EMG1: variants seen among roughly 807,000 people sequenced by gnomAD.
EMG1 encodes ribosomal RNA small subunit methyltransferase NEP1.
In EMG1, 24 loss-of-function variants were observed where a neutral mutation model predicts 26.9. The observed-to-expected ratio is 0.89, with a 90% CI of 0.65 to 1.26. The LOEUF is 1.26. EMG1 is among the 50% of genes most tolerant of loss of function. EMG1 has a pLI of 0.00. For missense variants in EMG1, 299 were observed against 307.6 expected, an observed-to-expected ratio of 0.97 and a Z score of 0.21; for synonymous variants, 140 against 112.6, an observed-to-expected ratio of 1.24 and a Z score of -1.54.
chr12:6,979,795 A>G lies in EMG1; in HGVS notation c.*3986A>G, dbSNP rs1172132517. On this transcript the variant is annotated 3_prime_UTR_variant, in exon 6 of 6. Coordinates refer to ENST00000599672, the MANE Select transcript of EMG1 (RefSeq NM_006331.8). ...CTGCAAACCTCTTAAGAGTTGTAGG[A>G]AAGTCAGGGCAGCAGACAGTGGACC... 1.0e-5 allele frequency: 6 copies of G among 576,718 alleles called. No homozygotes were observed. Among genetic ancestry groups the G allele is most frequent in the Non-Finnish European group, 1.9e-5 (6 of 322,418 alleles). The allele number at this position is 576,718 out of a possible 1,614,324, so 35.7% of individuals were successfully genotyped here.
chr12:6,983,652 C>A (rs1253775251), downstream of EMG1: 4 of 679,226 alleles, frequency 5.9e-6, no homozygotes, highest in African/African-American at 3.7e-5. Flanking sequence ...AAAAAAAAAA[C>A]AACATACATT....
downstream of EMG1, chr12:6,981,675 C>T (rs904907895): frequency 2.5e-6 from 4 of 1,590,610 alleles, no homozygotes; most frequent in African/African-American, 5.5e-5. Context: ...TGGGAGAGGA[C>T]ACTGAGGATG....
At position 6,977,801 on chromosome 12, in the gene EMG1, C is replaced by CA; in HGVS notation, c.*1993dup. ...AAACTGACTGGTCCTTGCATCCCGC[C>CA]ACCTGCCTCTGGGTCCTCACCCTGA... is the stretch of plus-strand genomic sequence containing the variant. On this transcript the variant is annotated 3_prime_UTR_variant, in exon 6 of 6. Coordinates refer to ENST00000599672, the MANE Select transcript of EMG1 (RefSeq NM_006331.8). The surrounding 1 kb of genome is among the most constrained non-coding windows in gnomAD (Gnocchi z 4.5). The CA allele has an allele frequency of 6.2e-7, 1 of 1,603,826 alleles. No homozygotes were observed. Among genetic ancestry groups the CA allele is most frequent in the Non-Finnish European group, 8.5e-7 (1 of 1,173,254 alleles).
rs1946423697 is a variant in EMG1, at chr12:6,977,694, A to C, written c.*1885A>C. 1 of 1,614,052 alleles carries C rather than the reference A, an allele frequency of 6.2e-7. No homozygotes were observed. Among genetic ancestry groups the C allele is most frequent in the Admixed American group, 1.7e-5 (1 of 59,986 alleles). Reference sequence around the variant, plus strand: ...AGAGGGCCAGGAATAGCAACGAGAGACCCTGAGAGAGTTCTTTATTTCCAA... The same window carrying C: ...AGAGGGCCAGGAATAGCAACGAGAGCCCCTGAGAGAGTTCTTTATTTCCAA... On this transcript the variant is annotated 3_prime_UTR_variant, in exon 6 of 6. Coordinates refer to ENST00000599672, the MANE Select transcript of EMG1 (RefSeq NM_006331.8). The surrounding 1 kb of genome is among the most constrained non-coding windows in gnomAD (Gnocchi z 4.5).
chr12:6,984,108 T>TAA (rs1946499409), downstream of EMG1, among the ~76,000 whole-genome samples: 1 of 152,258 alleles, frequency 6.6e-6, no homozygotes, highest in Admixed American at 6.5e-5. Flanking sequence ...AATATCAGGC[T>TAA]AAATACTGGA....
intron 7 of EMG1, among the ~76,000 whole-genome samples, chr12:6,995,121 CT>C (rs34836555): frequency 0.8 from 116,204 of 145,026 alleles, 46,440 homozygotes; most frequent in East Asian, 0.98. Context: ...CTTCTCTGGG[CT>C]TTTTTTTTTT....
In EMG1 at chr12:6,978,480, C is replaced by T; in HGVS notation, c.*2671C>T. On this transcript the variant is annotated 3_prime_UTR_variant, in exon 6 of 6. Transcript: ENST00000599672. ...CCCTTTTCTTCAAAGCCATTGAAGC[C>T]CAGGCCCGTCAAAATGCATACTCCT... 1 of 1,613,798 alleles carries T rather than the reference C, an allele frequency of 6.2e-7. No homozygotes were observed. Among genetic ancestry groups the T allele is most frequent in the Non-Finnish European group, 8.5e-7 (1 of 1,179,758 alleles).
In EMG1 at chr12:6,975,315, G is replaced by T. The variant is rs1555152971; in HGVS notation, c.558G>T (p.Val186=). Residue 186 remains valine, a synonymous_variant, in exon 5 of 6, where the codon GTG becomes GTT. Coordinates refer to ENST00000599672, the MANE Select transcript of EMG1 (RefSeq NM_006331.8). Reference sequence around the variant, plus strand: ...TTTCCATCCCGGTTGTCAGTGATGTGCGTGAGCTGGTGCCCAGCAGTGATC... The same window carrying T: ...TTTCCATCCCGGTTGTCAGTGATGTTCGTGAGCTGGTGCCCAGCAGTGATC... ...TSFSIPVVSD[V]RELVPSSDPI... is the part of the protein sequence containing the mutation. 2 of 1,610,432 alleles carry T rather than the reference G, an allele frequency of 1.2e-6. No homozygotes were observed. The highest frequency in any genetic ancestry group is 1.7e-4 in the Middle Eastern group (1 of 6,058).
chr12:6,981,726 G>T, downstream of EMG1: 1 of 1,411,344 alleles, frequency 7.1e-7, no homozygotes, highest in South Asian at 1.1e-5. Flanking sequence ...TATGGCGGGG[G>T]GCGGAGGGGG....
chr12:6,993,541 A>G (rs781949387), intron 7 of EMG1, among the ~76,000 whole-genome samples: 8 of 152,004 alleles, frequency 5.3e-5, no homozygotes, highest in Non-Finnish European at 1.2e-4. Context: ...GTCATTTCCC[A>G]TTCTCTCTTA....
chr12:6,977,476 A>G lies in EMG1; in HGVS notation c.*1667A>G, dbSNP rs782434418. On this transcript the variant is annotated 3_prime_UTR_variant, in exon 6 of 6. Transcript: ENST00000599672. This position sits in a 1 kb window ranked among gnomAD's most constrained non-coding sequence, Gnocchi z 4.5. Reference sequence around the variant, plus strand: ...ATAGTAGAAGGGCTGGAGGACAGTAATGGCGGCCAGCTTGCTCAGGGTGGG... The same window carrying G: ...ATAGTAGAAGGGCTGGAGGACAGTAGTGGCGGCCAGCTTGCTCAGGGTGGG... The G allele has an allele frequency of 1.9e-6, 3 of 1,614,084 alleles. No individual in the cohort carries two copies. Among genetic ancestry groups the G allele is most frequent in the South Asian group, 2.2e-5 (2 of 91,086 alleles).
downstream of EMG1, among the ~76,000 whole-genome samples, chr12:6,984,829 C>T (rs782625585): frequency 2.1e-4 from 32 of 152,278 alleles, no homozygotes; most frequent in African/African-American, 7.0e-4. Flanking sequence ...AAGGAATCTT[C>T]CTGCCTTGGC....
At chr12:6,993,851 A>G (rs1307857226) in intron 7 of EMG1, among the ~76,000 whole-genome samples, 1 of 152,164 alleles carries the variant, frequency 6.6e-6, no homozygotes, top group Non-Finnish European at 1.5e-5. Context: ...AGCTCAAATG[A>G]TCTGTCCACC....
At chr12:6,982,760 C>G (rs1946483875), downstream of EMG1, 37 of 1,613,676 alleles carry the variant, frequency 2.3e-5, no homozygotes, top group Non-Finnish European at 3.1e-5. Flanking sequence ...CAATACACAG[C>G]AGGGAGTGGT....
chr12:6,981,743 G>A (rs1026173947), downstream of EMG1: 9 of 1,454,068 alleles, frequency 6.2e-6, no homozygotes, highest in South Asian at 3.4e-5. Flanking sequence ...GGGGGGTGCC[G>A]AGGAAGTTTT....
Position 6,971,003 on chromosome 12 carries a change from C to A in EMG1, c.80C>A (p.Pro27His), listed in dbSNP as rs782075048. 2.5e-6 allele frequency: 4 copies of A among 1,611,694 alleles called. No homozygotes were observed. In the Admixed American group the frequency reaches 5.0e-5, roughly 20 times the overall value. ...EQAQDWDALP[P>H]KRPRLGAGNK... is the part of the protein sequence containing the mutation. ...GCACAGGACTGGGATGCTCTGCCAC[C>A]CAAGCGGCCCCGACTAGGGGCAGGA... is the stretch of plus-strand genomic sequence containing the variant. Residue 27 changes from proline (P) to histidine (H), a missense_variant, in exon 1 of 6, where the codon CCC becomes CAC. Coordinates refer to ENST00000599672, the MANE Select transcript of EMG1 (RefSeq NM_006331.8).
At position 6,977,047 on chromosome 12, in the gene EMG1, CCA is replaced by C; in HGVS notation, c.*1239_*1240del. The C allele has an allele frequency of 3.5e-6, 3 of 849,520 alleles. No homozygotes were observed. The highest frequency in any genetic ancestry group is 2.4e-5 in the East Asian group (1 of 41,046). The allele number at this position is 849,520 out of a possible 1,614,324, so 52.6% of individuals were successfully genotyped here. A position where few individuals can be genotyped will look rare whatever the true frequency, so the allele number is the denominator to read the frequency against. On this transcript the variant is annotated 3_prime_UTR_variant, in exon 6 of 6. Transcript: ENST00000599672. The surrounding 1 kb of genome is among the most constrained non-coding windows in gnomAD (Gnocchi z 4.5). ...GCCAGGCTAATCCTTGGAATTCACC[CCA>C]GATTTCTAATACTATTGTTTTTTTC... is the stretch of plus-strand genomic sequence containing the variant.
intron 7 of EMG1, among the ~76,000 whole-genome samples, chr12:6,993,476 A>G (rs1555155746): frequency 1.3e-5 from 2 of 151,954 alleles, no homozygotes; most frequent in Non-Finnish European, 2.9e-5. Flanking sequence ...CCCACTATCT[A>G]TCTAATTTCA....
rs1946542732 is a variant in EMG1, at chr12:6,987,733, CACATATT to C, written c.*155-46_*155-40del. 2 of 400,470 alleles carry C rather than the reference CACATATT, an allele frequency of 5.0e-6. No homozygotes were observed. The highest frequency in any genetic ancestry group is 8.8e-6 in the Non-Finnish European group (2 of 226,164). The allele number at this position is 400,470 out of a possible 1,614,324, so 24.8% of individuals were successfully genotyped here. A position where few individuals can be genotyped will look rare whatever the true frequency, so the allele number is the denominator to read the frequency against. On this transcript the variant is annotated intron_variant and NMD_transcript_variant, in intron 6 of 7. Coordinates refer to the EMG1 transcript ENST00000261406. The surrounding 1 kb of genome is among the most constrained non-coding windows in gnomAD (Gnocchi z 4.1). ...GAATGCTCGAAATTAAAAAACACCA[CACATATT>C]ACTCTGCCTCTTTAAGTTGAATCTA...
Sources: gnomAD v4.1 joint callset for allele counts (sites outside exome capture counted in the v4.1 genomes callset) on GRCh38, gnomAD v4.1.1 for gene constraint, Gnocchi (gnomAD v3.1) non-coding constraint, MANE v1.5 for transcripts, NCBI Gene and HGNC (gene_info 2026-07-23, HGNC 2026-07-21) for gene names.